The following TENM2 variants were observed in gnomAD, a reference collection of about 807,000 sequenced individuals.
The protein encoded by TENM2 is teneurin-2.
TENM2 carries 52 observed loss-of-function variants against 245.2 expected under a neutral mutation model. The ratio of observed to expected loss-of-function variants is 0.21; its 90% CI spans 0.17 to 0.27. The LOEUF (loss-of-function observed/expected upper bound fraction) is 0.27. TENM2 is among the 10% of genes least tolerant of loss of function. The pLI, the probability that TENM2 is intolerant of heterozygous loss-of-function variation, is 1.00. For missense variants in TENM2, 3,046 were observed against 3,666.8 expected (o/e 0.83, Z 4.37); for synonymous variants, 1,363 against 1,438.9 (o/e 0.95, Z 1.19).
At chr5:167,868,871 T>C (rs1007284403) in intron 2 of TENM2, among the ~76,000 whole-genome samples, 3 of 152,226 alleles carry the variant, frequency 2.0e-5, no homozygotes, top group African/African-American at 7.2e-5. Context: ...GTGAACCAGC[T>C]GGAACCAGTA....
At chr5:168,243,280 G>A (rs11750117) in intron 25 of TENM2, among the ~76,000 whole-genome samples, 19,448 of 152,080 alleles carry the variant, frequency 0.13, 1,685 homozygotes, top group Non-Finnish European at 0.18. Context: ...CTGCCTTCTG[G>A]GATAGGCTTT....
intron 4 of TENM2, among the ~76,000 whole-genome samples, chr5:167,953,831 C>A (rs1389885020): frequency 6.6e-6 from 1 of 152,126 alleles, no homozygotes; most frequent in Non-Finnish European, 1.5e-5. Context: ...CAGCTGGAAG[C>A]AATTTTGAAA....
At chr5:168,089,547 A>G (rs1792745820) in intron 7 of TENM2, among the ~76,000 whole-genome samples, 1 of 152,070 alleles carries the variant, frequency 6.6e-6, no homozygotes, top group Non-Finnish European at 1.5e-5. Flanking sequence ...AATCACTTCC[A>G]TTTCTGAACC....
intron 3 of TENM2, among the ~76,000 whole-genome samples, chr5:167,913,262 G>A (rs1267626151): frequency 2.0e-5 from 3 of 152,096 alleles, no homozygotes; most frequent in African/African-American, 7.2e-5. Flanking sequence ...TCTTTGCATG[G>A]GATTTCAGTG....
chr5:167,675,947 G>A (rs1292286289), intron 2 of TENM2, among the ~76,000 whole-genome samples: 1 of 151,950 alleles, frequency 6.6e-6, no homozygotes, highest in East Asian at 1.9e-4. Flanking sequence ...GTACATGAAT[G>A]TCAAAGATCA....
At chr5:168,156,382 C>T (rs1711505005) in intron 12 of TENM2, among the ~76,000 whole-genome samples, 1 of 151,494 alleles carries the variant, frequency 6.6e-6, no homozygotes, top group Non-Finnish European at 1.5e-5. Context: ...GTCTGCATTT[C>T]CATGCAGCCT....
intron 2 of TENM2, among the ~76,000 whole-genome samples, chr5:167,812,304 T>A (rs368181714): frequency 1.7e-4 from 26 of 152,210 alleles, no homozygotes; most frequent in African/African-American, 6.3e-4. Context: ...GATTTCCATT[T>A]TGGAAAGATC....
chr5:167,384,981 G>T (rs936020224), intron 2 of TENM2, among the ~76,000 whole-genome samples: 2 of 152,200 alleles, frequency 1.3e-5, no homozygotes, highest in South Asian at 4.1e-4. Context: ...CACTCCCGCA[G>T]TACAGGGAGT....
At chr5:167,454,496 GTGTC>G (rs1482936169) in intron 2 of TENM2, among the ~76,000 whole-genome samples, 1 of 151,880 alleles carries the variant, frequency 6.6e-6, no homozygotes, top group Admixed American at 6.6e-5. Context: ...ACGTGTGTAT[GTGTC>G]TGTATTTCTC....
Position 168,003,306 on chromosome 5 carries a change from A to AAC in TENM2, c.1186+10163_1186+10164dup, listed in dbSNP as rs70976455. On this transcript the variant is annotated intron_variant, in intron 5 of 28. Coordinates refer to ENST00000518659, the Ensembl canonical transcript of TENM2. ...TAAAATTACAAAGTTTTTAAGAAAA[A>AAC]ACACACACACACACACACACACACA... Among the ~76,000 whole-genome samples the AAC allele has an allele frequency of 3.7e-3, 338 of 90,588 alleles. 2 individuals are homozygous for AAC. The highest frequency in any genetic ancestry group is 0.011 in the South Asian group (27 of 2,526). 59.4% of individuals were successfully genotyped at this position (90,588 alleles called of 152,430 possible).
intron 2 of TENM2, among the ~76,000 whole-genome samples, chr5:167,713,257 TA>T (rs1376412108): frequency 6.6e-6 from 1 of 151,788 alleles, no homozygotes; most frequent in Non-Finnish European, 1.5e-5. Flanking sequence ...TTCTAAAATA[TA>T]ACACTGGAGA....
intron 12 of TENM2, 64 bp from the exon 15 acceptor site, chr5:168,162,547 C>T (rs762785938): frequency 2.4e-4 from 376 of 1,568,710 alleles, no homozygotes; most frequent in Non-Finnish European, 2.8e-4. Flanking sequence ...CTCTGCATGG[C>T]TCCCCTGCTT....
At chr5:167,848,113 G>A (rs1402944412) in intron 2 of TENM2, among the ~76,000 whole-genome samples, 1 of 152,142 alleles carries the variant, frequency 6.6e-6, no homozygotes, top group Non-Finnish European at 1.5e-5. Flanking sequence ...AGAGCCCTGT[G>A]GTACATCATT....
At chr5:167,034,791 C>G in the TENM2 span, among the ~76,000 whole-genome samples, 1 of 151,964 alleles carries the variant, frequency 6.6e-6, no homozygotes, top group East Asian at 1.9e-4. Flanking sequence ...GGTGGGTTAC[C>G]CTACTTCACT....
chr5:168,173,874 G>A (rs1005254492), intron 13 of TENM2, among the ~76,000 whole-genome samples: 3 of 152,182 alleles, frequency 2.0e-5, no homozygotes, highest in Non-Finnish European at 4.4e-5. Context: ...AGATAAAAAG[G>A]AATTAGGCAA....
chr5:167,687,596 TC>T (rs1361109978), intron 2 of TENM2, among the ~76,000 whole-genome samples: 1 of 152,194 alleles, frequency 6.6e-6, no homozygotes, highest in African/African-American at 2.4e-5. Context: ...CGTTGAGAGT[TC>T]ACAGATGTTT....
chr5:167,454,709 G>A (rs1765809471), intron 2 of TENM2, among the ~76,000 whole-genome samples: 1 of 152,088 alleles, frequency 6.6e-6, no homozygotes, highest in African/African-American at 2.4e-5. Context: ...CTTCCAGGTT[G>A]ACCTTTCTCA....
chr5:167,377,655 C>T, intron 2 of TENM2, among the ~76,000 whole-genome samples: 1 of 152,172 alleles, frequency 6.6e-6, no homozygotes, highest in East Asian at 1.9e-4. Context: ...GTGTGAGCAA[C>T]TCTGCAGGCA....
intron 12 of TENM2, among the ~76,000 whole-genome samples, chr5:168,143,776 T>G (rs570387864): frequency 1.3e-5 from 2 of 151,330 alleles, no homozygotes; most frequent in South Asian, 2.1e-4. Context: ...AGAGTTTCTT[T>G]CAATGATACC....
Sources: allele counts gnomAD v4.1 joint callset (sites outside exome capture counted in the v4.1 genomes callset), GRCh38; gene constraint gnomAD v4.1.1; transcripts MANE v1.5; gene names NCBI Gene and HGNC (gene_info 2026-07-23, HGNC 2026-07-21).